SAMD5: variants seen among roughly 807,000 people sequenced by gnomAD.
SAMD5 encodes sterile alpha motif domain-containing protein 5.
Under a neutral mutation model 11.3 loss-of-function variants are expected in SAMD5, and 13 were observed. That is an observed-to-expected ratio of 1.15 (90% CI 0.75 to 1.83). SAMD5 has a LOEUF of 1.83. Among genes scored for constraint, SAMD5 ranks in the 40% most tolerant of loss-of-function variants. The pLI is 0.00. For synonymous variants in SAMD5, 129 were observed against 111.3 expected, an observed-to-expected ratio of 1.16 and a Z score of -1.00; for missense variants, 255 against 239.1, an observed-to-expected ratio of 1.07 and a Z score of -0.44.
intron 1 of SAMD5, among the ~76,000 whole-genome samples, chr6:147,695,934 A>G (rs374862679): frequency 4.2e-4 from 64 of 152,340 alleles, no homozygotes; most frequent in African/African-American, 1.5e-3. Flanking sequence ...TTTATCTTTC[A>G]GATCTTCTGA....
the SAMD5 span, among the ~76,000 whole-genome samples, chr6:147,838,843 C>G: frequency 6.6e-6 from 1 of 152,134 alleles, no homozygotes; most frequent in African/African-American, 2.4e-5. Flanking sequence ...TCGGTAAGGG[C>G]CGTGTCACAC....
the SAMD5 span, among the ~76,000 whole-genome samples, chr6:147,843,302 G>T: frequency 6.6e-6 from 1 of 152,138 alleles, no homozygotes; most frequent in Admixed American, 6.6e-5. Flanking sequence ...TGAAAGATCT[G>T]TATACTAGAA....
rs967439227 is a variant in SAMD5, at chr6:147,565,236, G to A, written c.*780G>A. On this transcript the variant is annotated 3_prime_UTR_variant, in exon 2 of 2. Transcript: ENST00000367474. ...GCACTCTGTGGAGACTGCCAGGGCC[G>A]CAGCTCACAGCCTGTTCTGAGCTGC... 1.3e-5 allele frequency: 13 copies of A among 985,722 alleles called. No individual in the cohort carries two copies. The highest frequency in any genetic ancestry group is 9.4e-5 in the South Asian group (2 of 21,292). 61.1% of individuals were successfully genotyped at this position (985,722 alleles called of 1,614,324 possible).
At chr6:147,574,447 A>G (rs922783814), downstream of SAMD5, among the ~76,000 whole-genome samples, 3 of 152,182 alleles carry the variant, frequency 2.0e-5, no homozygotes, top group African/African-American at 7.2e-5. Flanking sequence ...CTTAATGCAG[A>G]ATCAAATGTA....
the SAMD5 span, among the ~76,000 whole-genome samples, chr6:147,825,422 G>A: frequency 2.3e-3 from 354 of 152,148 alleles, no homozygotes; most frequent in African/African-American, 8.2e-3. Flanking sequence ...TTATTTTCTG[G>A]ATTATTTGTA....
intron 1 of SAMD5, among the ~76,000 whole-genome samples, chr6:147,532,861 T>C (rs1423820223): frequency 6.6e-6 from 1 of 152,226 alleles, no homozygotes; most frequent in Non-Finnish European, 1.5e-5. Context: ...TCCACGTGCA[T>C]ACATTTTTCC....
At chr6:147,629,650 G>A (rs1312658706) in intron 1 of SAMD5, among the ~76,000 whole-genome samples, 1 of 152,166 alleles carries the variant, frequency 6.6e-6, no homozygotes, top group Admixed American at 6.5e-5. Flanking sequence ...CCTAACTATT[G>A]TGTTCAGCCT....
chr6:147,820,463 A>G, the SAMD5 span, among the ~76,000 whole-genome samples: 3 of 152,232 alleles, frequency 2.0e-5, no homozygotes, highest in South Asian at 2.1e-4. Context: ...GTTCGATTTC[A>G]TTTTTCAGTC....
At chr6:147,687,831 T>G (rs143204259) in intron 1 of SAMD5, among the ~76,000 whole-genome samples, 110 of 152,332 alleles carry the variant, frequency 7.2e-4, no homozygotes, top group Non-Finnish European at 3.7e-4. Flanking sequence ...TTGCAGCTTA[T>G]TTGAGGGTAA....
the SAMD5 span, among the ~76,000 whole-genome samples, chr6:147,877,350 A>T: frequency 6.6e-6 from 1 of 152,182 alleles, no homozygotes; most frequent in Non-Finnish European, 1.5e-5. Flanking sequence ...ATCCTTGTAT[A>T]TTTTTCCAGA....
At chr6:147,752,571 T>C in the SAMD5 span, among the ~76,000 whole-genome samples, 1 of 151,570 alleles carries the variant, frequency 6.6e-6, no homozygotes, top group Admixed American at 6.6e-5. Context: ...ATTGAAAAAA[T>C]GACAGTTTGT....
chr6:147,665,878 A>T (rs1049304656), intron 1 of SAMD5, among the ~76,000 whole-genome samples: 1 of 152,216 alleles, frequency 6.6e-6, no homozygotes, highest in Non-Finnish European at 1.5e-5. Flanking sequence ...TTATGTAAGC[A>T]AATACTATGA....
At chr6:147,616,992 C>T (rs1164874968) in intron 1 of SAMD5, among the ~76,000 whole-genome samples, 2 of 152,122 alleles carry the variant, frequency 1.3e-5, no homozygotes, top group African/African-American at 4.8e-5. Flanking sequence ...GACACAGAGC[C>T]AAACCTTATC....
chr6:147,617,213 T>C (rs1789886194), intron 1 of SAMD5, among the ~76,000 whole-genome samples: 1 of 152,170 alleles, frequency 6.6e-6, no homozygotes, highest in South Asian at 2.1e-4. Context: ...ATTTGCAGAA[T>C]TACACTAACT....
chr6:147,859,423 A>T, the SAMD5 span, among the ~76,000 whole-genome samples: 1 of 152,234 alleles, frequency 6.6e-6, no homozygotes, highest in Non-Finnish European at 1.5e-5. Context: ...TGTGTCTAGC[A>T]TAGCCCTGTT....
At chr6:147,716,018 C>T (rs1166027549) in intron 1 of SAMD5, among the ~76,000 whole-genome samples, 1 of 152,162 alleles carries the variant, frequency 6.6e-6, no homozygotes, top group Non-Finnish European at 1.5e-5. Flanking sequence ...ACTGGCATCC[C>T]TCCCCTTAGG....
At chr6:147,647,138 G>A (rs1319178082) in intron 1 of SAMD5, among the ~76,000 whole-genome samples, 2 of 151,926 alleles carry the variant, frequency 1.3e-5, no homozygotes, top group Non-Finnish European at 2.9e-5. Context: ...TTGCACCCCA[G>A]CCTGAGTGAC....
chr6:147,763,308 CG>C, the SAMD5 span, among the ~76,000 whole-genome samples: 13 of 151,868 alleles, frequency 8.6e-5, no homozygotes, highest in African/African-American at 3.1e-4. Context: ...TACAGGCATG[CG>C]CCACCATGCC....
At chr6:147,556,131 C>T (rs9497806) in intron 1 of SAMD5, among the ~76,000 whole-genome samples, 7,169 of 150,526 alleles carry the variant, frequency 0.048, 498 homozygotes, top group African/African-American at 0.15. Flanking sequence ...CTTGCTCTGT[C>T]GCCCAGGCTG....
Sources: gnomAD v4.1 joint callset for allele counts (sites outside exome capture counted in the v4.1 genomes callset) on GRCh38, gnomAD v4.1.1 for gene constraint, MANE v1.5 for transcripts, NCBI Gene and HGNC (gene_info 2026-07-23, HGNC 2026-07-21) for gene names.